Variants in CALN1 observed in about 807,000 individuals in gnomAD.
The protein encoded by CALN1 is calcium-binding protein 8.
In CALN1, 17 loss-of-function variants were observed where a neutral mutation model predicts 30.6. That is an observed-to-expected ratio of 0.56 (90% CI 0.38 to 0.83). CALN1 has a LOEUF of 0.83. Ranked by LOEUF, CALN1 falls within the 40% of genes least tolerant of loss-of-function variation. The pLI, the probability that CALN1 is intolerant of heterozygous loss-of-function variation, is 0.00. For missense variants in CALN1, 291 were observed against 354.9 expected, an observed-to-expected ratio of 0.82 and a Z score of 1.45; for synonymous variants, 156 against 131.4, an observed-to-expected ratio of 1.19 and a Z score of -1.28.
chr7:71,945,301 C>T (rs2129523324), intron 5 of CALN1, among the ~76,000 whole-genome samples: 1 of 152,296 alleles, frequency 6.6e-6, no homozygotes, highest in East Asian at 1.9e-4. Context: ...CTAAATGACC[C>T]AGTTTTGGGT....
chr7:71,846,496 C>A (rs1790242102), intron 5 of CALN1, among the ~76,000 whole-genome samples: 1 of 151,990 alleles, frequency 6.6e-6, no homozygotes, highest in African/African-American at 2.4e-5. Context: ...AGAAACAGAA[C>A]TAATAGGATA....
chr7:72,086,157 A>C (rs190711633), intron 4 of CALN1, among the ~76,000 whole-genome samples: 21 of 152,354 alleles, frequency 1.4e-4, no homozygotes, highest in Admixed American at 1.3e-3. Context: ...AAATGAATAG[A>C]TCATTGGATC....
chr7:72,354,852 G>A (rs544668206), intron 2 of CALN1, among the ~76,000 whole-genome samples: 15 of 151,548 alleles, frequency 9.9e-5, no homozygotes, highest in African/African-American at 3.6e-4. Flanking sequence ...AGAAAACCCA[G>A]GAGAAAATTT....
chr7:72,372,031 A>G (rs997025317), intron 2 of CALN1, among the ~76,000 whole-genome samples: 1 of 152,216 alleles, frequency 6.6e-6, no homozygotes, highest in African/African-American at 2.4e-5. Context: ...TGAATTCAAT[A>G]TCGCCTGAAA....
intron 3 of CALN1, among the ~76,000 whole-genome samples, chr7:72,253,754 T>G (rs1245870279): frequency 6.6e-6 from 1 of 152,200 alleles, no homozygotes. Context: ...CCCATTCTTT[T>G]TTTATAGACA....
At chr7:71,901,880 T>G (rs1013310388) in intron 5 of CALN1, among the ~76,000 whole-genome samples, 1 of 151,924 alleles carries the variant, frequency 6.6e-6, no homozygotes. Context: ...GACTAAGACC[T>G]CAAATGCAAC....
intron 3 of CALN1, among the ~76,000 whole-genome samples, chr7:72,263,643 T>C (rs970617434): frequency 6.6e-6 from 1 of 152,126 alleles, no homozygotes; most frequent in Admixed American, 6.6e-5. Context: ...CTTGAACCCC[T>C]GGCCTCAAGC....
intron 2 of CALN1, among the ~76,000 whole-genome samples, chr7:72,288,226 G>A (rs1798232506): frequency 6.6e-6 from 1 of 152,086 alleles, no homozygotes; most frequent in Non-Finnish European, 1.5e-5. Context: ...TGAGTTGGGA[G>A]CACTCACATG....
At chr7:72,233,626 GGAGGATTGTTT>G in intron 3 of CALN1, among the ~76,000 whole-genome samples, 1 of 152,270 alleles carries the variant, frequency 6.6e-6, no homozygotes, top group East Asian at 1.9e-4. Flanking sequence ...GGCTGAGGCA[GGAGGATTGTTT>G]GAGCCCAGGA....
At position 71,887,337 on chromosome 7, in the gene CALN1, C is replaced by T. The variant is rs112387024; in HGVS notation, c.502-76845G>A. ...TGAGATGGAGTTTCGCTCTTGTTGC[C>T]CAGGCTGGCATGCAATGGTACAATC... On this transcript the variant is annotated intron_variant, in intron 5 of 6. Coordinates refer to ENST00000395275, the MANE Select transcript of CALN1 (RefSeq NM_031468.4). 4.0e-3 allele frequency among the ~76,000 whole-genome samples: 616 copies of T among 152,228 alleles called. 4 individuals carry two copies. Among genetic ancestry groups the T allele is most frequent in the Non-Finnish European group, 7.0e-3 (477 of 68,020 alleles).
chr7:72,253,952 G>A (rs1562799177), intron 3 of CALN1, among the ~76,000 whole-genome samples: 2 of 152,140 alleles, frequency 1.3e-5, no homozygotes. Context: ...TGTTGGCTAG[G>A]CTGGCCTCAA....
At chr7:72,420,211 A>G (rs1807561512) in intron 1 of CALN1, among the ~76,000 whole-genome samples, 2 of 152,136 alleles carry the variant, frequency 1.3e-5, no homozygotes, top group Non-Finnish European at 2.9e-5. Context: ...GTATGAAGAC[A>G]TGACTAGAAA....
chr7:71,803,894 C>T (rs917864239), intron 6 of CALN1, among the ~76,000 whole-genome samples: 5 of 151,882 alleles, frequency 3.3e-5, no homozygotes, highest in African/African-American at 1.2e-4. Flanking sequence ...GCTCCTACCA[C>T]AAAGATAAGG....
intron 2 of CALN1, among the ~76,000 whole-genome samples, chr7:72,302,893 CAAA>C (rs71069055): frequency 0.17 from 8,019 of 48,436 alleles, 299 homozygotes; most frequent in East Asian, 0.41. Context: ...GTGAGGGTCT[CAAA>C]AAAAAAAAAA....
At chr7:72,049,752 C>T (rs1296221326) in intron 4 of CALN1, among the ~76,000 whole-genome samples, 1 of 151,828 alleles carries the variant, frequency 6.6e-6, no homozygotes, top group African/African-American at 2.4e-5. Flanking sequence ...AGGTGATCCA[C>T]CTGCCTCGGT....
intron 3 of CALN1, among the ~76,000 whole-genome samples, chr7:72,134,969 A>G (rs1219390154): frequency 1.3e-5 from 2 of 152,200 alleles, no homozygotes; most frequent in African/African-American, 2.4e-5. Context: ...TTTACAAAGC[A>G]TCTTTACCAG....
At chr7:72,090,125 C>T (rs1372160671) in intron 4 of CALN1, among the ~76,000 whole-genome samples, 2 of 152,094 alleles carry the variant, frequency 1.3e-5, no homozygotes, top group Non-Finnish European at 2.9e-5. Context: ...TGGTGAAACC[C>T]CATGTCTACT....
Position 72,439,655 on chromosome 7 carries a change from G to A in CALN1, c.-226+7387C>T, listed in dbSNP as rs111406258. Among the ~76,000 whole-genome samples the A allele has an allele frequency of 9.3e-3, 1,388 of 149,404 alleles. 22 individuals carry two copies. Among genetic ancestry groups the A allele is most frequent in the African/African-American group, 0.033 (1,319 of 40,456 alleles). ...TGCAATGGCGCAATCTCGGCTCACT[G>A]CAACCTCCGCCTCCTGAGTTCAAGC... On this transcript the variant is annotated intron_variant, in intron 1 of 6. Coordinates refer to the CALN1 transcript ENST00000395276.
intron 1 of CALN1, among the ~76,000 whole-genome samples, chr7:72,430,732 G>A (rs1003258032): frequency 6.6e-6 from 1 of 152,078 alleles, no homozygotes; most frequent in African/African-American, 2.4e-5. Flanking sequence ...CTGTACCTGC[G>A]CTCTGCATGG....
Sources: allele counts gnomAD v4.1 joint callset (sites outside exome capture counted in the v4.1 genomes callset), GRCh38; gene constraint gnomAD v4.1.1; transcripts MANE v1.5; gene names NCBI Gene and HGNC (gene_info 2026-07-23, HGNC 2026-07-21).